The following STON2 variants were observed in gnomAD, a reference collection of about 807,000 sequenced individuals.
STON2 encodes stonin 2.
Under a neutral mutation model 65.7 loss-of-function variants are expected in STON2, and 29 were observed. The ratio of observed to expected loss-of-function variants is 0.44; its 90% CI spans 0.33 to 0.60. STON2 has a LOEUF of 0.60. Ranked by LOEUF, STON2 falls within the 20% of genes least tolerant of loss-of-function variation. The pLI, the probability that STON2 is intolerant of heterozygous loss-of-function variation, is 0.03. For missense variants in STON2, 1,054 were observed against 1,118.1 expected (o/e 0.94, Z 0.82); for synonymous variants, 404 against 414.2 (o/e 0.98, Z 0.30).
intron 4 of STON2, among the ~76,000 whole-genome samples, chr14:81,370,125 T>C (rs961391835): frequency 6.6e-6 from 1 of 152,204 alleles, no homozygotes; most frequent in Non-Finnish European, 1.5e-5. Flanking sequence ...TAGAATTGAA[T>C]GGCACATAGC....
At chr14:81,298,424 G>GGA (rs200117715) in intron 5 of STON2, among the ~76,000 whole-genome samples, 59,862 of 144,452 alleles carry the variant, frequency 0.41, 13,268 homozygotes, top group Non-Finnish European at 0.5. Context: ...TGGGGGGGGG[G>GGA]AATCACAGAA....
At chr14:81,269,368 T>A in intron 7 of STON2, 2 of 985,420 alleles carry the variant, frequency 2.0e-6, no homozygotes, top group Non-Finnish European at 2.4e-6. Context: ...TGTTTACAGT[T>A]CTGCAATATC....
In STON2 at chr14:81,277,077, T is replaced by A; in HGVS notation, c.2405A>T (p.Glu802Val). Residue 802 changes from glutamate (E) to valine (V), a missense_variant, in exon 6 of 8, where the codon GAA (glutamate) becomes GTA (valine). Physicochemically the swap from Glu to Val is moderately radical, Grantham distance 121 (BLOSUM62 -2). Coordinates refer to ENST00000614646, the MANE Select transcript of STON2 (RefSeq NM_001394390.1). The part of the protein sequence containing the change: ...PSEWVKNFRR[E>V]SVLGEKSLKA... Reference sequence around the variant, plus strand: ...CAAAGACTTTTCCCCCAGGACACTTTCCCTGCGGAAGTTTTTCACCCACTC... The same window carrying A: ...CAAAGACTTTTCCCCCAGGACACTTACCCTGCGGAAGTTTTTCACCCACTC... 2 of 1,614,194 alleles carry A rather than the reference T, an allele frequency of 1.2e-6. No individual in the cohort carries two copies. Among genetic ancestry groups the A allele is most frequent in the Non-Finnish European group, 8.5e-7 (1 of 1,180,042 alleles).
intron 4 of STON2, among the ~76,000 whole-genome samples, chr14:81,326,965 G>A (rs1051289192): frequency 6.6e-6 from 1 of 152,006 alleles, no homozygotes; most frequent in Non-Finnish European, 1.5e-5. Flanking sequence ...CCTAAGTAAG[G>A]AAGCCAACAT....
In STON2 at chr14:81,398,460, G is replaced by T; in HGVS notation, c.-78C>A. ...ATACTGTCTGGGGTGGGCTGGAGTA[G>T]GGGTATGGTAGTACGGTAGACTTGG... On this transcript the variant is annotated 5_prime_UTR_variant, in exon 2 of 8. Transcript: ENST00000614646. 8.6e-7 allele frequency: 1 copy of T among 1,160,828 alleles called. No individual in the cohort carries two copies. 71.9% of individuals were successfully genotyped at this position (1,160,828 alleles called of 1,614,324 possible). A position where few individuals can be genotyped will look rare whatever the true frequency, so the allele number is the denominator to read the frequency against.
At chr14:81,368,248 A>G (rs1239861115) in intron 4 of STON2, among the ~76,000 whole-genome samples, 1 of 152,194 alleles carries the variant, frequency 6.6e-6, no homozygotes. Flanking sequence ...TCCATTTCTC[A>G]GTGGTGTTCT....
chr14:81,359,162 T>C (rs564733178), intron 4 of STON2, among the ~76,000 whole-genome samples: 117 of 152,294 alleles, frequency 7.7e-4, no homozygotes, highest in Admixed American at 2.0e-3. Context: ...CTTATTAAAT[T>C]AGAGAAGACT....
chr14:81,309,100 A>AT (rs11378317), intron 5 of STON2, among the ~76,000 whole-genome samples: 116,114 of 149,074 alleles, frequency 0.78, 45,308 homozygotes, highest in Non-Finnish European at 0.79. Flanking sequence ...AAAAAAAAAA[A>AT]CTCGTTATTT....
chr14:81,264,777 T>A lies in STON2; in HGVS notation c.*3637A>T, dbSNP rs1047080227. 1.0e-6 allele frequency: 1 copy of A among 985,394 alleles called. No homozygotes were observed. Among genetic ancestry groups the A allele is most frequent in the Non-Finnish European group, 1.2e-6 (1 of 829,930 alleles). The allele number at this position is 985,394 out of a possible 1,614,324, so 61.0% of individuals were successfully genotyped here. On this transcript the variant is annotated 3_prime_UTR_variant, in exon 8 of 8. Coordinates refer to ENST00000614646, the MANE Select transcript of STON2 (RefSeq NM_001394390.1). ...GAAACTGTCCAGATAATATTTAATA[T>A]GAATGAAATGCAAACTTTTGATAAG... is the stretch of plus-strand genomic sequence containing the variant.
At position 81,395,952 on chromosome 14, in the gene STON2, A is replaced by G; in HGVS notation, c.315T>C (p.Phe105=). 3 of 1,614,114 alleles carry G rather than the reference A, an allele frequency of 1.9e-6. No individual in the cohort carries two copies. The highest frequency in any genetic ancestry group is 2.5e-6 in the Non-Finnish European group (3 of 1,180,014). ...LASAISNWVQ[F]EDDTPWASTS... ...TGCTGGCCCAGGGTGTGTCATCTTC[A>G]AACTGAACCCAGTTGCTGATGGCCG... Residue 105 remains phenylalanine (F), a synonymous_variant, in exon 3 of 8, where the codon TTT becomes TTC. Coordinates refer to ENST00000614646, the MANE Select transcript of STON2 (RefSeq NM_001394390.1).
intron 4 of STON2, among the ~76,000 whole-genome samples, chr14:81,345,382 T>C (rs1897772123): frequency 6.6e-6 from 1 of 152,156 alleles, no homozygotes; most frequent in African/African-American, 2.4e-5. Flanking sequence ...GGGGAGATCA[T>C]GTGAAGATAC....
At chr14:81,371,259 C>T (rs535354669) in intron 3 of STON2, 74 bp from the exon 4 acceptor site, 1 of 1,381,624 alleles carries the variant, frequency 7.2e-7, no homozygotes, top group African/African-American at 1.4e-5. Flanking sequence ...GCTTATCTTA[C>T]TTTGATGTTG....
At chr14:81,281,037 G>T (rs1232407415) in intron 5 of STON2, among the ~76,000 whole-genome samples, 1 of 147,700 alleles carries the variant, frequency 6.8e-6, no homozygotes, top group African/African-American at 2.5e-5. Context: ...GAAAAGAAAA[G>T]AAAATGTAGG....
intron 5 of STON2, among the ~76,000 whole-genome samples, chr14:81,289,691 T>C (rs1245526624): frequency 6.6e-6 from 1 of 152,222 alleles, no homozygotes; most frequent in Non-Finnish European, 1.5e-5. Context: ...TCCAGGTTTT[T>C]GGCATTGTGC....
chr14:81,302,187 G>T (rs1324037703), intron 5 of STON2, among the ~76,000 whole-genome samples: 1 of 152,178 alleles, frequency 6.6e-6, no homozygotes, highest in African/African-American at 2.4e-5. Context: ...CATATCAGCT[G>T]CCCCTCTGTG....
intron 6 of STON2, among the ~76,000 whole-genome samples, chr14:81,271,644 A>T (rs940605065): frequency 6.6e-6 from 1 of 152,176 alleles, no homozygotes; most frequent in African/African-American, 2.4e-5. Context: ...CTATACATCT[A>T]TGGGTAACTC....
At chr14:81,393,720 G>A (rs1298798261) in intron 3 of STON2, among the ~76,000 whole-genome samples, 9 of 152,158 alleles carry the variant, frequency 5.9e-5, no homozygotes. Flanking sequence ...TAAGCAGAAG[G>A]AACATTATTT....
chr14:81,337,493 G>A (rs1897418787), intron 4 of STON2, among the ~76,000 whole-genome samples: 1 of 152,144 alleles, frequency 6.6e-6, no homozygotes, highest in African/African-American at 2.4e-5. Context: ...AGACAAAGGA[G>A]AGTAAAGAGG....
chr14:81,434,213 CAG>C (rs1306659387), intron 1 of STON2, among the ~76,000 whole-genome samples: 2 of 152,184 alleles, frequency 1.3e-5, no homozygotes, highest in African/African-American at 2.4e-5. Context: ...TTTTATAAAG[CAG>C]AAGCCTGGCT....
Sources: allele counts gnomAD v4.1 joint callset (sites outside exome capture counted in the v4.1 genomes callset), GRCh38; gene constraint gnomAD v4.1.1; transcripts MANE v1.5; gene names NCBI Gene and HGNC (gene_info 2026-07-23, HGNC 2026-07-21).